CRIM1: variants seen among roughly 807,000 people sequenced by gnomAD.
The protein encoded by CRIM1 is cysteine rich transmembrane BMP regulator 1.
Under a neutral mutation model 116.4 loss-of-function variants are expected in CRIM1, and 32 were observed. The observed-to-expected ratio is 0.27, with a 90% confidence interval of 0.21 to 0.37. The LOEUF is 0.37. Ranked by LOEUF, CRIM1 falls within the 10% of genes least tolerant of loss-of-function variation. CRIM1 has a pLI of 1.00. For missense variants in CRIM1, 1,331 were observed against 1,354.8 expected, an observed-to-expected ratio of 0.98 and a Z score of 0.28; for synonymous variants, 590 against 509.2, an observed-to-expected ratio of 1.16 and a Z score of -2.13.
rs1421633733 is a variant in CRIM1, at chr2:36,535,179, GGGAGGGAGGGTAAAAA to G, written c.2429-2165_2429-2150del. On this transcript the variant is annotated intron_variant, in intron 13 of 16. Coordinates refer to ENST00000280527, the MANE Select transcript of CRIM1 (RefSeq NM_016441.3). ...GGGGAAGGAAGGAGGACAGGAGGGA[GGGAGGGAGGGTAAAAA>G]GGAGGGAAGGAAGGATGGAGGGAGA... 4.3e-3 allele frequency among the ~76,000 whole-genome samples: 619 copies of G among 142,548 alleles called. 4 individuals carry two copies. The highest frequency in any genetic ancestry group is 8.1e-3 in the Non-Finnish European group (522 of 64,420). 93.5% of individuals were successfully genotyped at this position (142,548 alleles called of 152,430 possible).
intron 7 of CRIM1, among the ~76,000 whole-genome samples, chr2:36,487,768 T>G (rs199836436): frequency 1.3e-5 from 2 of 152,130 alleles, no homozygotes; most frequent in East Asian, 3.8e-4. Context: ...TCAATAACAC[T>G]TATTTGTAAG....
chr2:36,495,168 G>A (rs527641689), intron 7 of CRIM1, among the ~76,000 whole-genome samples: 2 of 152,214 alleles, frequency 1.3e-5, no homozygotes, highest in African/African-American at 4.8e-5. Flanking sequence ...TACGAAACAC[G>A]CCAAAGATAG....
At chr2:36,439,585 G>A (rs1284995645) in intron 2 of CRIM1, among the ~76,000 whole-genome samples, 2 of 151,952 alleles carry the variant, frequency 1.3e-5, no homozygotes, top group African/African-American at 2.4e-5. Flanking sequence ...ACTCTTCCTG[G>A]GACACACAAG....
chr2:36,372,781 C>A (rs998978980), intron 1 of CRIM1, among the ~76,000 whole-genome samples: 1 of 152,146 alleles, frequency 6.6e-6, no homozygotes, highest in Admixed American at 6.5e-5. Flanking sequence ...TAGCCCACTT[C>A]AGATCCTTTT....
intron 2 of CRIM1, among the ~76,000 whole-genome samples, chr2:36,431,877 T>C (rs889050142): frequency 1.2e-4 from 19 of 152,218 alleles, no homozygotes; most frequent in African/African-American, 4.6e-4. Flanking sequence ...TTATGTACTT[T>C]TTTCAAATTG....
intron 2 of CRIM1, among the ~76,000 whole-genome samples, chr2:36,438,796 A>C (rs1675549010): frequency 6.6e-6 from 1 of 152,206 alleles, no homozygotes; most frequent in African/African-American, 2.4e-5. Context: ...GACAGGAGTC[A>C]TATTATTACA....
intron 5 of CRIM1, among the ~76,000 whole-genome samples, chr2:36,471,126 C>T (rs1678478996): frequency 6.6e-6 from 1 of 152,200 alleles, no homozygotes; most frequent in African/African-American, 2.4e-5. Context: ...TGAGGAGTTT[C>T]TTCTTATCGA....
intron 7 of CRIM1, among the ~76,000 whole-genome samples, chr2:36,480,594 C>G (rs1003510613): frequency 1.3e-5 from 2 of 152,072 alleles, no homozygotes; most frequent in East Asian, 1.9e-4. Flanking sequence ...CTTTTAAGTG[C>G]GAAGAAATCT....
At chr2:36,531,290 G>A (rs540255649) in intron 13 of CRIM1, among the ~76,000 whole-genome samples, 1 of 152,324 alleles carries the variant, frequency 6.6e-6, no homozygotes, top group Admixed American at 6.5e-5. Context: ...CTCCTAGGCA[G>A]AAATCAAGAA....
chr2:36,471,066 C>T (rs576407762), intron 5 of CRIM1, among the ~76,000 whole-genome samples: 3 of 152,292 alleles, frequency 2.0e-5, no homozygotes, highest in African/African-American at 7.2e-5. Context: ...AATGTGGAAC[C>T]TGCAGAATGT....
intron 13 of CRIM1, among the ~76,000 whole-genome samples, chr2:36,523,247 A>T (rs754029595): frequency 1.3e-5 from 2 of 152,190 alleles, no homozygotes; most frequent in South Asian, 4.1e-4. Context: ...AATATGAAAT[A>T]TTAATTTAAT....
rs560101443 is a variant in CRIM1, at chr2:36,388,170, G to C, written c.332-8444G>C. Among the ~76,000 whole-genome samples the C allele has an allele frequency of 1.4e-4, 22 of 152,174 alleles. No individual in the cohort carries two copies. The East Asian group carries it at 3.5e-3, about 24-fold the overall frequency. ...GTAGAGACAGTTGTGTAATGACAGA[G>C]TGCTTCAGCAGTTGTCAGTTCATAG... On this transcript the variant is annotated intron_variant, in intron 1 of 16. Coordinates refer to ENST00000280527, the MANE Select transcript of CRIM1 (RefSeq NM_016441.3).
intron 1 of CRIM1, among the ~76,000 whole-genome samples, chr2:36,395,109 G>T (rs1298573286): frequency 1.4e-5 from 2 of 144,254 alleles, no homozygotes; most frequent in South Asian, 4.3e-4. Flanking sequence ...CTGCTTCTCT[G>T]TTTCAAACAA....
At chr2:36,392,800 G>A (rs931415119) in intron 1 of CRIM1, among the ~76,000 whole-genome samples, 2 of 152,146 alleles carry the variant, frequency 1.3e-5, no homozygotes, top group Non-Finnish European at 2.9e-5. Flanking sequence ...GTATTGATTA[G>A]GAGCGGGCAG....
intron 1 of CRIM1, among the ~76,000 whole-genome samples, chr2:36,362,625 G>C (rs1669301133): frequency 6.6e-6 from 1 of 152,140 alleles, no homozygotes; most frequent in Non-Finnish European, 1.5e-5. Flanking sequence ...CTGGGCAGTA[G>C]CCTGGTCACA....
At chr2:36,379,173 T>C (rs1670544069) in intron 1 of CRIM1, 1 of 152,222 alleles carries the variant, frequency 6.6e-6, no homozygotes, top group Non-Finnish European at 1.5e-5. Flanking sequence ...TTTTTGTAAC[T>C]ATGAAATCCT....
In CRIM1 at chr2:36,510,030, C is replaced by G; in HGVS notation, c.1549C>G (p.Pro517Ala). The change falls in exon 9 of 17, where the codon CCC (proline) becomes GCC (alanine). Residue 517 changes from proline to alanine, a missense_variant. Around this residue, in one of 3 missense-constraint regions of CRIM1, gnomAD observed 358 missense variants for 436.1 expected, o/e 0.82. Coordinates refer to ENST00000280527, the MANE Select transcript of CRIM1 (RefSeq NM_016441.3). ...TAAACAAGGCTGCACCTTGAACTGT[C>G]CCTTCGGTTTCCTTACTGATGCCCA... ...ERKQGCTLNC[P>A]FGFLTDAQNC... 1 of 1,614,150 alleles carries G rather than the reference C, an allele frequency of 6.2e-7. No individual in the cohort carries two copies. The highest frequency in any genetic ancestry group is 2.2e-5 in the East Asian group (1 of 44,876).
At chr2:36,455,052 G>A (rs1461795695) in intron 4 of CRIM1, among the ~76,000 whole-genome samples, 1 of 152,160 alleles carries the variant, frequency 6.6e-6, no homozygotes. Context: ...ACGATCTGGG[G>A]AGTAGATGTC....
rs888500525 is a variant in CRIM1, at chr2:36,549,625, A to ACTT, written c.*925_*927dup. 1 of 152,366 alleles carries ACTT rather than the reference A, an allele frequency of 6.6e-6. No individual in the cohort carries two copies. Among genetic ancestry groups the ACTT allele is most frequent in the Non-Finnish European group, 1.5e-5 (1 of 67,958 alleles). The allele number at this position is 152,366 out of a possible 1,614,324, so 9.4% of individuals were successfully genotyped here. A position where few individuals can be genotyped will look rare whatever the true frequency, so the allele number is the denominator to read the frequency against. ...TGTTGAAGCTCTAGCTTAAGAAGAAACTTTTTTTAAAAAGACTGTTTGGGG... is the reference window on the plus strand; with the variant it reads ...TGTTGAAGCTCTAGCTTAAGAAGAAACTTCTTTTTTTAAAAAGACTGTTTGGGG... On this transcript the variant is annotated 3_prime_UTR_variant, in exon 17 of 17. Coordinates refer to ENST00000280527, the MANE Select transcript of CRIM1 (RefSeq NM_016441.3).
Sources: allele counts gnomAD v4.1 joint callset (sites outside exome capture counted in the v4.1 genomes callset), GRCh38; gene constraint gnomAD v4.1.1; regional missense constraint gnomAD v4.1.1; transcripts MANE v1.5; gene names NCBI Gene and HGNC (gene_info 2026-07-23, HGNC 2026-07-21).